The following DPYD variants were observed in gnomAD, a reference collection of about 807,000 sequenced individuals.
The protein encoded by DPYD is dihydropyrimidine dehydrogenase [NADP(+)].
Under a neutral mutation model 116.2 loss-of-function variants are expected in DPYD, and 109 were observed. The ratio of observed to expected loss-of-function variants is 0.94; its 90% CI spans 0.80 to 1.10. The LOEUF is 1.10. DPYD is among the 50% of genes least tolerant of loss of function. DPYD has a pLI of 0.00. For missense variants in DPYD, 1,302 were observed against 1,254.5 expected (o/e 1.04, Z -0.57); for synonymous variants, 440 against 432.0 (o/e 1.02, Z -0.23).
chr1:97,204,961 C>T (rs1659489525), intron 19 of DPYD, among the ~76,000 whole-genome samples: 1 of 151,772 alleles, frequency 6.6e-6, no homozygotes, highest in Non-Finnish European at 1.5e-5. Context: ...TTAAAGGGTC[C>T]CTTTTGGCCT....
intron 18 of DPYD, among the ~76,000 whole-genome samples, chr1:97,283,223 T>C (rs1665443535): frequency 6.6e-6 from 1 of 152,182 alleles, no homozygotes; most frequent in Non-Finnish European, 1.5e-5. Context: ...ATTATCTGTT[T>C]AATAAAACAT....
chr1:97,492,479 T>G (rs1290273701), intron 13 of DPYD, among the ~76,000 whole-genome samples: 1 of 152,168 alleles, frequency 6.6e-6, no homozygotes. Flanking sequence ...AATCCATTCT[T>G]ATAGAACCAC....
intron 15 of DPYD, among the ~76,000 whole-genome samples, chr1:97,376,887 G>GTGTGTGTGTGTGTGTGTGTATATA: frequency 8.6e-5 from 11 of 128,410 alleles, no homozygotes; most frequent in African/African-American, 3.1e-4. Flanking sequence ...GTGTGTGTGT[G>GTGTGTGTGTGTGTGTGTGTATATA]TATATATATA....
At position 97,594,605 on chromosome 1, in the gene DPYD, G is replaced by C. The variant is rs569544387; in HGVS notation, c.958+454C>G. Among the ~76,000 whole-genome samples the C allele has an allele frequency of 1.2e-4, 18 of 152,254 alleles. 1 individual carries two copies. The East Asian group carries it at 2.1e-3, about 18-fold the overall frequency. ...ACCAAGGTACAACCTTCATTCAGGT[G>C]GTTCTTCTTGGGGTGTATAAAGTGA... is the stretch of plus-strand genomic sequence containing the variant. On this transcript the variant is annotated intron_variant, in intron 9 of 22. Coordinates refer to ENST00000370192, the MANE Select transcript of DPYD (RefSeq NM_000110.4).
rs1243771913 is a variant in DPYD at position 97,679,256 on chromosome 1, A to G, written c.763-74T>C. 10 of 810,306 alleles carry G rather than the reference A, an allele frequency of 1.2e-5. No individual in the cohort carries two copies. In the East Asian group the frequency reaches 2.5e-4, roughly 20 times the overall value. 50.2% of individuals were successfully genotyped at this position (810,306 alleles called of 1,614,324 possible). On this transcript the variant is annotated intron_variant, in intron 7 of 22. Coordinates refer to ENST00000370192, the MANE Select transcript of DPYD (RefSeq NM_000110.4). ...AAAATCTTAATATTTAACATCAAAAAGAATGAAAAGTCAGCCAAAAATTCT... is the reference window on the plus strand; with the variant it reads ...AAAATCTTAATATTTAACATCAAAAGGAATGAAAAGTCAGCCAAAAATTCT...
chr1:97,103,623 T>G (rs956433120), intron 20 of DPYD, among the ~76,000 whole-genome samples: 1 of 152,122 alleles, frequency 6.6e-6, no homozygotes, highest in Non-Finnish European at 1.5e-5. Context: ...AGATAGTTCA[T>G]GTTTCATAGT....
chr1:97,499,103 C>T (rs527514997), intron 13 of DPYD, among the ~76,000 whole-genome samples: 4 of 151,700 alleles, frequency 2.6e-5, no homozygotes, highest in Non-Finnish European at 5.9e-5. Flanking sequence ...GGAGTTACAG[C>T]ACTGACCTCT....
chr1:97,715,658 C>T (rs549967375), intron 5 of DPYD, among the ~76,000 whole-genome samples: 3 of 152,178 alleles, frequency 2.0e-5, no homozygotes, highest in East Asian at 1.9e-4. Flanking sequence ...TAACCTATCT[C>T]GGTCATTTGA....
At chr1:97,334,475 C>A (rs897222716) in intron 16 of DPYD, among the ~76,000 whole-genome samples, 7 of 151,768 alleles carry the variant, frequency 4.6e-5, no homozygotes, top group African/African-American at 7.3e-5. Context: ...AACAAACAAA[C>A]AAAACAATAG....
At chr1:97,364,890 G>A (rs944846306) in intron 16 of DPYD, among the ~76,000 whole-genome samples, 2 of 151,926 alleles carry the variant, frequency 1.3e-5, no homozygotes, top group Non-Finnish European at 2.9e-5. Flanking sequence ...AAATCCATAC[G>A]CCTCCTTCCT....
chr1:97,705,386 G>T (rs930998259), intron 5 of DPYD, among the ~76,000 whole-genome samples: 1 of 151,888 alleles, frequency 6.6e-6, no homozygotes, highest in Non-Finnish European at 1.5e-5. Context: ...TGCAGTGTTT[G>T]GTTTTTTTGT....
chr1:97,525,015 T>C (rs1648951354), intron 12 of DPYD, among the ~76,000 whole-genome samples: 1 of 152,180 alleles, frequency 6.6e-6, no homozygotes, highest in South Asian at 2.1e-4. Flanking sequence ...CTTACAATCA[T>C]TTGTGCCTTT....
chr1:97,150,297 C>T lies in DPYD; in HGVS notation c.2622+42772G>A, dbSNP rs563248108. On this transcript the variant is annotated intron_variant, in intron 20 of 22. Transcript: ENST00000370192. ...AAAAAAAACTAAAATAGTTTCTGTC[C>T]ATGATTAGCTTGTAATCTCCAAGAG... Among the ~76,000 whole-genome samples the T allele has an allele frequency of 6.3e-4, 96 of 152,110 alleles. 1 individual carries two copies. The highest frequency in any genetic ancestry group is 5.2e-3 in the Admixed American group (80 of 15,270).
intron 12 of DPYD, among the ~76,000 whole-genome samples, chr1:97,532,147 T>A (rs1014494998): frequency 4.6e-5 from 7 of 152,174 alleles, no homozygotes; most frequent in African/African-American, 1.7e-4. Flanking sequence ...CCCATCATTC[T>A]GTTAATGCGG....
chr1:97,432,094 T>C (rs1289186882), intron 14 of DPYD, among the ~76,000 whole-genome samples: 2 of 152,198 alleles, frequency 1.3e-5, no homozygotes, highest in Admixed American at 1.3e-4. Context: ...CCACTTTTTT[T>C]AGTCCATTCA....
chr1:97,557,308 C>CTTTTTTT (rs796245332), intron 11 of DPYD, among the ~76,000 whole-genome samples: 93 of 107,154 alleles, frequency 8.7e-4, no homozygotes, highest in African/African-American at 1.4e-3. Context: ...TTTTTCTTTT[C>CTTTTTTT]TTTTTTTTTT....
At chr1:97,272,179 A>G (rs1242507330) in intron 18 of DPYD, among the ~76,000 whole-genome samples, 1 of 152,156 alleles carries the variant, frequency 6.6e-6, no homozygotes, top group Non-Finnish European at 1.5e-5. Context: ...AACTTCCTCT[A>G]TATTTTAAAA....
chr1:97,470,818 C>T (rs571790350), intron 13 of DPYD, among the ~76,000 whole-genome samples: 10 of 152,100 alleles, frequency 6.6e-5, no homozygotes, highest in East Asian at 1.9e-4. Context: ...GCCAACATAG[C>T]GAAACCCCAT....
chr1:97,353,909 C>G (rs1407964198), intron 16 of DPYD, among the ~76,000 whole-genome samples: 2 of 152,150 alleles, frequency 1.3e-5, no homozygotes, highest in African/African-American at 4.8e-5. Context: ...GAGAGGCAGT[C>G]ATGTCTGAGG....
Sources: allele counts gnomAD v4.1 joint callset (sites outside exome capture counted in the v4.1 genomes callset), GRCh38; gene constraint gnomAD v4.1.1; transcripts MANE v1.5; gene names NCBI Gene and HGNC (gene_info 2026-07-23, HGNC 2026-07-21).